Variants in NLK observed in about 807,000 individuals in gnomAD.
NLK encodes the protein nemo like kinase.
In NLK, 11 loss-of-function variants were observed where a neutral mutation model predicts 59.0. The observed-to-expected ratio is 0.19, with a 90% CI of 0.12 to 0.31. The LOEUF (loss-of-function observed/expected upper bound fraction) is 0.31, where lower values mean the gene tolerates loss of function less well. Among genes scored for constraint, NLK ranks in the 10% least tolerant of loss-of-function variants. The pLI, the probability that NLK is intolerant of heterozygous loss-of-function variation, is 1.00. For missense variants in NLK, 410 were observed against 661.1 expected, an observed-to-expected ratio of 0.62 and a Z score of 4.16; for synonymous variants, 235 against 235.9, an observed-to-expected ratio of 1.00 and a Z score of 0.03.
At chr17:28,057,208 G>T (rs866839184) in intron 1 of NLK, among the ~76,000 whole-genome samples, 15 of 152,098 alleles carry the variant, frequency 9.9e-5, no homozygotes, top group Admixed American at 3.9e-4. Flanking sequence ...ACCCGCCTCG[G>T]CCTCCCAAAG....
intron 1 of NLK, among the ~76,000 whole-genome samples, chr17:28,103,083 G>T (rs1904958193): frequency 6.6e-6 from 1 of 152,006 alleles, no homozygotes; most frequent in East Asian, 1.9e-4. Context: ...ATTCTTCTGA[G>T]GGAGAAAAAT....
intron 1 of NLK, among the ~76,000 whole-genome samples, chr17:28,112,512 T>A (rs1239872068): frequency 2.0e-5 from 3 of 152,140 alleles, no homozygotes; most frequent in African/African-American, 7.2e-5. Context: ...CTTAAATTTG[T>A]CATTTGACTT....
chr17:28,167,789 C>A (rs1449698153), intron 5 of NLK, among the ~76,000 whole-genome samples: 1 of 151,580 alleles, frequency 6.6e-6, no homozygotes, highest in Non-Finnish European at 1.5e-5. Context: ...AGATCGATCA[C>A]GCCACTGCAC....
At chr17:28,175,300 A>G (rs940350194) in intron 7 of NLK, among the ~76,000 whole-genome samples, 2 of 151,862 alleles carry the variant, frequency 1.3e-5, no homozygotes, top group Non-Finnish European at 2.9e-5. Context: ...ACAAAAAAAA[A>G]AAATTTAGCC....
At chr17:28,157,096 A>C (rs1333204368) in intron 3 of NLK, among the ~76,000 whole-genome samples, 1 of 152,096 alleles carries the variant, frequency 6.6e-6, no homozygotes, top group Non-Finnish European at 1.5e-5. Flanking sequence ...GGCTCACTGC[A>C]ACCCCTGCCT....
At chr17:28,069,986 A>G (rs1909954742) in intron 1 of NLK, among the ~76,000 whole-genome samples, 1 of 152,100 alleles carries the variant, frequency 6.6e-6, no homozygotes, top group Non-Finnish European at 1.5e-5. Flanking sequence ...CTGTAATCCT[A>G]GCATTCTGGG....
intron 1 of NLK, among the ~76,000 whole-genome samples, chr17:28,096,206 T>C (rs1370694523): frequency 1.3e-5 from 2 of 152,176 alleles, no homozygotes; most frequent in African/African-American, 4.8e-5. Flanking sequence ...AGTGGCATCC[T>C]GGACTTTCTA....
intron 1 of NLK, among the ~76,000 whole-genome samples, chr17:28,094,006 A>G (rs547157527): frequency 4.0e-4 from 61 of 152,310 alleles, no homozygotes; most frequent in African/African-American, 1.4e-3. Flanking sequence ...AAAAATGACT[A>G]TTATTTAATA....
chr17:28,066,982 A>G (rs182526516), intron 1 of NLK, among the ~76,000 whole-genome samples: 1 of 152,334 alleles, frequency 6.6e-6, no homozygotes, highest in East Asian at 1.9e-4. Context: ...ATCTTTACAT[A>G]TTCCGGATAT....
chr17:28,137,616 G>GTAT (rs532013648), intron 3 of NLK, among the ~76,000 whole-genome samples: 58 of 152,196 alleles, frequency 3.8e-4, no homozygotes, highest in African/African-American at 1.3e-3. Flanking sequence ...TAAAGTAAGA[G>GTAT]TATCGGTGTA....
intron 1 of NLK, among the ~76,000 whole-genome samples, chr17:28,087,550 G>A (rs1258157061): frequency 6.6e-6 from 1 of 152,218 alleles, no homozygotes; most frequent in Admixed American, 6.5e-5. Context: ...AGTAGATGGG[G>A]CTATGGTATA....
Position 28,188,291 on chromosome 17 carries a change from C to T in NLK, c.1237-2730C>T, listed in dbSNP as rs926707306. Among the ~76,000 whole-genome samples, 53 of 152,134 alleles carry T rather than the reference C, an allele frequency of 3.5e-4. 1 individual carries two copies. The highest frequency in any genetic ancestry group is 8.2e-4 in the African/African-American group (34 of 41,426). Reference sequence around the variant, plus strand: ...TTTATCACTGTGTTATAAACAAAGCCGACAAGTTTGTTACTTTGTTACAGA... The same window carrying T: ...TTTATCACTGTGTTATAAACAAAGCTGACAAGTTTGTTACTTTGTTACAGA... On this transcript the variant is annotated intron_variant, in intron 8 of 10. Transcript: ENST00000407008.
At chr17:28,104,271 T>C (rs1163850900) in intron 1 of NLK, among the ~76,000 whole-genome samples, 1 of 152,214 alleles carries the variant, frequency 6.6e-6, no homozygotes, top group Non-Finnish European at 1.5e-5. Context: ...GTTTTTGTTT[T>C]TTTGAGACCG....
In NLK at chr17:28,092,691, C is replaced by T. The variant is rs371938803; in HGVS notation, c.459-29912C>T. Among the ~76,000 whole-genome samples the T allele has an allele frequency of 4.6e-4, 70 of 152,206 alleles. 1 individual carries two copies. The highest frequency in any genetic ancestry group is 3.7e-3 in the South Asian group (18 of 4,824). ...CAAGTTCGGGGAGATAATAGTCAAA[C>T]AAAACAGACTGTATCCTGCCTCGAA... On this transcript the variant is annotated intron_variant, in intron 1 of 10. Transcript: ENST00000407008.
At chr17:28,201,312 G>A (rs1043105319), downstream of NLK, among the ~76,000 whole-genome samples, 4 of 151,284 alleles carry the variant, frequency 2.6e-5, no homozygotes, top group Admixed American at 2.0e-4. Context: ...TGAACTCCTG[G>A]CCTCAAGTAA....
At chr17:28,115,521 A>G (rs1006712434) in intron 1 of NLK, among the ~76,000 whole-genome samples, 18 of 152,298 alleles carry the variant, frequency 1.2e-4, no homozygotes, top group South Asian at 2.1e-4. Flanking sequence ...CTTTGTACCA[A>G]TATTACACTA....
At chr17:28,105,409 G>T (rs1229581232) in intron 1 of NLK, among the ~76,000 whole-genome samples, 2 of 151,736 alleles carry the variant, frequency 1.3e-5, no homozygotes, top group Admixed American at 1.3e-4. Context: ...TTGTATACCA[G>T]TTTTTTTTCA....
chr17:28,146,606 A>G (rs769496311), intron 3 of NLK, among the ~76,000 whole-genome samples: 2 of 152,182 alleles, frequency 1.3e-5, no homozygotes, highest in Non-Finnish European at 2.9e-5. Context: ...TCAAGATTCT[A>G]ACCTTGGTCA....
chr17:28,074,588 G>A (rs1016867794), intron 1 of NLK, among the ~76,000 whole-genome samples: 1 of 152,030 alleles, frequency 6.6e-6, no homozygotes, highest in Non-Finnish European at 1.5e-5. Context: ...ATTATTTCGT[G>A]GCCATTATAT....
Sources: allele counts gnomAD v4.1 joint callset (sites outside exome capture counted in the v4.1 genomes callset), GRCh38; gene constraint gnomAD v4.1.1; transcripts MANE v1.5; gene names NCBI Gene and HGNC (gene_info 2026-07-23, HGNC 2026-07-21).